AUTS2: variants seen among roughly 807,000 people sequenced by gnomAD.
AUTS2 encodes the protein autism susceptibility gene 2 protein.
Under a neutral mutation model 112.4 loss-of-function variants are expected in AUTS2, and 17 were observed. The ratio of observed to expected loss-of-function variants is 0.15; its 90% confidence interval spans 0.10 to 0.23. The LOEUF is 0.23. Ranked by LOEUF, AUTS2 falls within the 10% of genes least tolerant of loss-of-function variation. The pLI is 1.00. For synonymous variants in AUTS2, 751 were observed against 702.7 expected, an observed-to-expected ratio of 1.07 and a Z score of -1.09; for missense variants, 1,510 against 1,701.6, an observed-to-expected ratio of 0.89 and a Z score of 1.98.
At chr7:69,943,624 T>C (rs1467135826) in intron 2 of AUTS2, among the ~76,000 whole-genome samples, 1 of 152,200 alleles carries the variant, frequency 6.6e-6, no homozygotes, top group African/African-American at 2.4e-5. Context: ...TGAATTTGTC[T>C]TTCATTATCA....
At chr7:70,303,434 G>GCGCACACACACA (rs1241517255) in intron 4 of AUTS2, among the ~76,000 whole-genome samples, 4,211 of 141,942 alleles carry the variant, frequency 0.03, 75 homozygotes, top group Middle Eastern at 0.043. Flanking sequence ...GCGCGCGCGC[G>GCGCACACACACA]CACATACACA....
At chr7:70,148,203 T>C (rs890630015) in intron 4 of AUTS2, among the ~76,000 whole-genome samples, 6 of 152,104 alleles carry the variant, frequency 3.9e-5, no homozygotes, top group Non-Finnish European at 8.8e-5. Context: ...TGTAAATAAC[T>C]GTGTTGCTAT....
intron 6 of AUTS2, among the ~76,000 whole-genome samples, chr7:70,713,967 G>A (rs1457551917): frequency 6.6e-6 from 1 of 151,942 alleles, no homozygotes; most frequent in East Asian, 1.9e-4. Flanking sequence ...TCTGGGCTAG[G>A]GCTCCAGAAC....
At chr7:69,988,625 A>G (rs1318721708) in intron 2 of AUTS2, among the ~76,000 whole-genome samples, 1 of 152,180 alleles carries the variant, frequency 6.6e-6, no homozygotes, top group Non-Finnish European at 1.5e-5. Context: ...GGTGATAGGC[A>G]CTCAACAAAT....
chr7:70,513,666 CTTTT>C (rs35815016), intron 5 of AUTS2, among the ~76,000 whole-genome samples: 5 of 140,408 alleles, frequency 3.6e-5, no homozygotes, highest in Non-Finnish European at 3.1e-5. Context: ...TTTCTGTTTC[CTTTT>C]TTTTTTTTTT....
intron 1 of AUTS2, among the ~76,000 whole-genome samples, chr7:69,635,769 A>G (rs2129109471): frequency 6.6e-6 from 1 of 152,368 alleles, no homozygotes; most frequent in East Asian, 1.9e-4. Flanking sequence ...TGCCTTGGAA[A>G]GCCTCTTTCG....
intron 4 of AUTS2, among the ~76,000 whole-genome samples, chr7:70,331,679 A>G (rs193204395): frequency 1.2e-4 from 18 of 152,320 alleles, no homozygotes; most frequent in African/African-American, 3.6e-4. Context: ...GCAAATCAAT[A>G]AACATAATCG....
intron 4 of AUTS2, among the ~76,000 whole-genome samples, chr7:70,406,648 G>A (rs532299183): frequency 9.8e-5 from 15 of 152,294 alleles, no homozygotes; most frequent in Non-Finnish European, 1.9e-4. Flanking sequence ...TTCCTCTCAG[G>A]CCTCATCTGT....
At chr7:70,318,389 C>G (rs529058865) in intron 4 of AUTS2, among the ~76,000 whole-genome samples, 6 of 152,134 alleles carry the variant, frequency 3.9e-5, no homozygotes, top group South Asian at 2.1e-4. Context: ...GACCTACCGA[C>G]TAGACAAGAG....
At chr7:70,459,922 A>G (rs17141647) in intron 5 of AUTS2, among the ~76,000 whole-genome samples, 2,788 of 152,254 alleles carry the variant, frequency 0.018, 28 homozygotes, top group Middle Eastern at 0.044. Flanking sequence ...CCTCATGACT[A>G]TGAGTCCAGT....
At chr7:70,541,354 T>C (rs1800545855) in intron 5 of AUTS2, among the ~76,000 whole-genome samples, 1 of 152,184 alleles carries the variant, frequency 6.6e-6, no homozygotes, top group African/African-American at 2.4e-5. Context: ...TTCGATAGCC[T>C]TAAAAGGGTC....
intron 5 of AUTS2, among the ~76,000 whole-genome samples, chr7:70,690,600 T>C (rs1808706827): frequency 1.3e-5 from 2 of 152,242 alleles, no homozygotes; most frequent in East Asian, 1.9e-4. Flanking sequence ...TTTGCTAAAA[T>C]ATATTTAGCT....
At chr7:69,717,619 T>G (rs1429995829) in intron 1 of AUTS2, among the ~76,000 whole-genome samples, 2 of 152,208 alleles carry the variant, frequency 1.3e-5, no homozygotes, top group East Asian at 3.8e-4. Context: ...AGTATCCTGC[T>G]TCAGGGTTTC....
At chr7:70,530,971 G>T (rs77140466) in intron 5 of AUTS2, among the ~76,000 whole-genome samples, 1 of 152,248 alleles carries the variant, frequency 6.6e-6, no homozygotes, top group East Asian at 1.9e-4. Context: ...GGAAGTCAAT[G>T]GTACCATCCC....
chr7:70,607,124 C>A (rs555502277), intron 5 of AUTS2, among the ~76,000 whole-genome samples: 5 of 152,236 alleles, frequency 3.3e-5, no homozygotes, highest in Admixed American at 2.0e-4. Context: ...TGGCCTACTT[C>A]TGAAAGGAGG....
chr7:69,633,031 T>A (rs1794340675), intron 1 of AUTS2, among the ~76,000 whole-genome samples: 2 of 152,186 alleles, frequency 1.3e-5, no homozygotes, highest in South Asian at 4.1e-4. Flanking sequence ...ACAATTTTAT[T>A]ACCTTTAGTC....
intron 2 of AUTS2, among the ~76,000 whole-genome samples, chr7:70,070,384 C>G (rs1268751996): frequency 1.4e-5 from 2 of 147,470 alleles, no homozygotes; most frequent in African/African-American, 5.1e-5. Context: ...ACCAACCTGG[C>G]CAACATGGCA....
At chr7:70,189,882 C>G (rs540692276) in intron 4 of AUTS2, among the ~76,000 whole-genome samples, 1 of 151,960 alleles carries the variant, frequency 6.6e-6, no homozygotes, top group Non-Finnish European at 1.5e-5. Flanking sequence ...AAGCCATCTT[C>G]TATAGTGCAG....
intron 6 of AUTS2, among the ~76,000 whole-genome samples, chr7:70,760,234 T>C (rs1585640932): frequency 6.6e-6 from 1 of 152,226 alleles, no homozygotes; most frequent in East Asian, 1.9e-4. Context: ...CTCGATCTCC[T>C]GACCTCGTGA....
Sources: gnomAD v4.1 joint callset for allele counts (sites outside exome capture counted in the v4.1 genomes callset) on GRCh38, gnomAD v4.1.1 for gene constraint, MANE v1.5 for transcripts, NCBI Gene and HGNC (gene_info 2026-07-23, HGNC 2026-07-21) for gene names.